USP15: variants seen among roughly 807,000 people sequenced by gnomAD.
The protein encoded by USP15 is ubiquitin carboxyl-terminal hydrolase 15.
A neutral mutation model predicts 127.1 loss-of-function variants in USP15; 18 were observed. The ratio of observed to expected loss-of-function variants is 0.14; its 90% CI spans 0.10 to 0.21. The LOEUF is 0.21. Ranked by LOEUF, USP15 falls within the 10% of genes least tolerant of loss-of-function variation. The probability of loss-of-function intolerance (pLI) is 1.00; values close to 1 mark genes in which losing one functional copy is unlikely to be tolerated. For missense variants in USP15, 805 were observed against 1,159.9 expected (o/e 0.69, Z 4.44); for synonymous variants, 364 against 393.7 (o/e 0.92, Z 0.89).
intron 8 of USP15, among the ~76,000 whole-genome samples, chr12:62,361,324 A>G (rs1371282978): frequency 1.3e-5 from 2 of 152,066 alleles, no homozygotes; most frequent in African/African-American, 4.8e-5. Flanking sequence ...TGAATAAGCA[A>G]AATTCCCTAA....
intron 8 of USP15, 55 bp from the exon 9 acceptor site, chr12:62,381,435 T>C: frequency 6.9e-7 from 1 of 1,458,064 alleles, no homozygotes; most frequent in Non-Finnish European, 9.2e-7. Context: ...TAATGTGTTT[T>C]AAGAAAAATT....
At chr12:62,391,908 T>C (rs530780032) in intron 17 of USP15, 22 bp downstream of exon 17, 4 of 1,583,414 alleles carry the variant, frequency 2.5e-6, no homozygotes, top group Admixed American at 1.7e-5. Flanking sequence ...CTCACTCACT[T>C]ATTTACCTTT....
chr12:62,302,507 A>G (rs188104809), intron 2 of USP15, among the ~76,000 whole-genome samples: 25 of 152,266 alleles, frequency 1.6e-4, no homozygotes, highest in Admixed American at 3.3e-4. Context: ...GCGGCCCAGG[A>G]TGGCTTTGAA....
At chr12:62,324,673 G>T (rs984345954) in intron 5 of USP15, among the ~76,000 whole-genome samples, 1 of 151,776 alleles carries the variant, frequency 6.6e-6, no homozygotes, top group Non-Finnish European at 1.5e-5. Context: ...TTTTTATATG[G>T]TACAAATACA....
At chr12:62,293,495 T>TA (rs1441323442) in intron 1 of USP15, among the ~76,000 whole-genome samples, 1 of 152,140 alleles carries the variant, frequency 6.6e-6, no homozygotes, top group Non-Finnish European at 1.5e-5. Flanking sequence ...TAGCTGGGGT[T>TA]ACAGGCACCT....
intron 1 of USP15, among the ~76,000 whole-genome samples, chr12:62,268,265 G>A (rs892683705): frequency 6.6e-6 from 1 of 152,116 alleles, no homozygotes; most frequent in Non-Finnish European, 1.5e-5. Flanking sequence ...TGGTAGAGCA[G>A]GAGGTCTAAC....
chr12:62,404,047 A>G, intron 21 of USP15, 146 bp from the exon 22 acceptor site: 1 of 1,025,116 alleles, frequency 9.8e-7, no homozygotes. Context: ...TATTTAATGA[A>G]TTTTAGTAAC....
chr12:62,407,303 G>A lies in USP15; in HGVS notation c.*2928G>A, dbSNP rs915046848. ...GCTCACACAATTGCTATGGGGTAGA[G>A]CCAATATTCTATCCTCAGATATATA... On this transcript the variant is annotated 3_prime_UTR_variant, in exon 22 of 22. Transcript: ENST00000280377. 23 of 152,174 alleles carry A rather than the reference G, an allele frequency of 1.5e-4. No individual in the cohort carries two copies. The highest frequency in any genetic ancestry group is 4.6e-4 in the African/African-American group (19 of 41,450). 9.4% of individuals were successfully genotyped at this position (152,174 alleles called of 1,614,324 possible).
chr12:62,324,528 T>C (rs1419298934), intron 5 of USP15, among the ~76,000 whole-genome samples: 1 of 151,972 alleles, frequency 6.6e-6, no homozygotes, highest in Non-Finnish European at 1.5e-5. Flanking sequence ...TTCTACTTTG[T>C]AAATCTTCAT....
chr12:62,341,910 A>G (rs1349892380), intron 6 of USP15, among the ~76,000 whole-genome samples: 2 of 152,002 alleles, frequency 1.3e-5, no homozygotes, highest in Non-Finnish European at 2.9e-5. Context: ...TATTTCCTGA[A>G]TGGGAATGTT....
At chr12:62,347,479 A>G (rs1592640520) in intron 6 of USP15, among the ~76,000 whole-genome samples, 1 of 151,974 alleles carries the variant, frequency 6.6e-6, no homozygotes, top group South Asian at 2.1e-4. Context: ...CGATTTATAT[A>G]TGTTTTTGAA....
In USP15 at chr12:62,406,315, T is replaced by G. The variant is rs1027098744; in HGVS notation, c.*1940T>G. On this transcript the variant is annotated 3_prime_UTR_variant, in exon 22 of 22. Transcript: ENST00000280377. Reference sequence around the variant, plus strand: ...CTTTAATATTTATTCATTAAACATATGTTTGTGTACCAATCACTGTTGTAG... The same window carrying G: ...CTTTAATATTTATTCATTAAACATAGGTTTGTGTACCAATCACTGTTGTAG... 6.6e-6 allele frequency: 1 copy of G among 152,202 alleles called. No individual in the cohort carries two copies. Among genetic ancestry groups the G allele is most frequent in the African/African-American group, 2.4e-5 (1 of 41,452 alleles). 9.4% of individuals were successfully genotyped at this position (152,202 alleles called of 1,614,324 possible).
At chr12:62,397,541 A>G (rs1330614386) in intron 20 of USP15, among the ~76,000 whole-genome samples, 1 of 149,248 alleles carries the variant, frequency 6.7e-6, no homozygotes, top group Non-Finnish European at 1.5e-5. Flanking sequence ...TCCTTTTTTC[A>G]TTCTTTTTCT....
chr12:62,374,565 G>A, intron 8 of USP15: 1 of 985,550 alleles, frequency 1.0e-6, no homozygotes, highest in Non-Finnish European at 1.2e-6. Flanking sequence ...TGCATTACAA[G>A]TTATTGGGAT....
At chr12:62,404,067 ACCATGC>A in intron 21 of USP15, 120 bp from the exon 22 acceptor site, 1 of 753,506 alleles carries the variant, frequency 1.3e-6, no homozygotes, top group Non-Finnish European at 1.7e-6. Context: ...CTTCCATTTG[ACCATGC>A]ATGGTTTTTC....
chr12:62,290,719 C>T (rs1335847529), intron 1 of USP15, among the ~76,000 whole-genome samples: 1 of 152,032 alleles, frequency 6.6e-6, no homozygotes, highest in Non-Finnish European at 1.5e-5. Flanking sequence ...GGATTTTTTA[C>T]TTTCTTACAT....
At chr12:62,390,472 T>G (rs919368534) in intron 14 of USP15, among the ~76,000 whole-genome samples, 2 of 152,122 alleles carry the variant, frequency 1.3e-5, no homozygotes, top group Non-Finnish European at 2.9e-5. Flanking sequence ...ATTTGATCCC[T>G]TTTATCCTTG....
intron 6 of USP15, 86 bp from the exon 7 acceptor site, chr12:62,349,131 TACAA>T (rs2065899753): frequency 1.3e-6 from 1 of 775,170 alleles, no homozygotes; most frequent in Non-Finnish European, 1.9e-6. Flanking sequence ...ATTCATTTAC[TACAA>T]ACATTGTCAT....
intron 1 of USP15, among the ~76,000 whole-genome samples, chr12:62,284,102 T>C (rs2063727564): frequency 6.6e-6 from 1 of 152,190 alleles, no homozygotes; most frequent in Non-Finnish European, 1.5e-5. Flanking sequence ...ATAAAATTTA[T>C]TGAAAGACAT....
Sources: gnomAD v4.1 joint callset for allele counts (sites outside exome capture counted in the v4.1 genomes callset) on GRCh38, gnomAD v4.1.1 for gene constraint, MANE v1.5 for transcripts, NCBI Gene and HGNC (gene_info 2026-07-23, HGNC 2026-07-21) for gene names.